Variants in CCSER1 observed in about 807,000 individuals in gnomAD.
The protein encoded by CCSER1 is coiled-coil serine rich protein 1.
CCSER1 carries 41 observed loss-of-function variants against 82.0 expected under a neutral mutation model. The ratio of observed to expected loss-of-function variants is 0.50; its 90% CI spans 0.39 to 0.65. The LOEUF (loss-of-function observed/expected upper bound fraction) is 0.65. CCSER1 is among the 30% of genes least tolerant of loss of function. The pLI is 0.00. For synonymous variants in CCSER1, 414 were observed against 383.9 expected (o/e 1.08, Z -0.92); for missense variants, 1,119 against 1,064.2 (o/e 1.05, Z -0.72).
chr4:91,203,853 C>T (rs893061922), intron 10 of CCSER1, among the ~76,000 whole-genome samples: 2 of 151,772 alleles, frequency 1.3e-5, no homozygotes, highest in African/African-American at 2.4e-5. Context: ...GTTGAATCTA[C>T]AGTTCATTAG....
intron 10 of CCSER1, among the ~76,000 whole-genome samples, chr4:91,135,924 T>G (rs1391680960): frequency 6.6e-6 from 1 of 152,208 alleles, no homozygotes; most frequent in Non-Finnish European, 1.5e-5. Flanking sequence ...GAATCATATA[T>G]GCAAATAATT....
intron 10 of CCSER1, among the ~76,000 whole-genome samples, chr4:91,346,257 C>T (rs577753573): frequency 1.8e-3 from 276 of 152,142 alleles, no homozygotes; most frequent in Middle Eastern, 3.4e-3. Flanking sequence ...CCTTGTGACC[C>T]GCCTACCTCA....
chr4:91,491,732 T>C (rs1204070098), intron 10 of CCSER1, among the ~76,000 whole-genome samples: 1 of 152,060 alleles, frequency 6.6e-6, no homozygotes, highest in Non-Finnish European at 1.5e-5. Flanking sequence ...CTGAAGAATA[T>C]TTTTTCCTAT....
chr4:91,184,560 T>C (rs2149036497), intron 10 of CCSER1, among the ~76,000 whole-genome samples: 1 of 152,346 alleles, frequency 6.6e-6, no homozygotes, highest in East Asian at 1.9e-4. Flanking sequence ...ATGTTGGAGC[T>C]ATGTGCCCAT....
rs114017637 is a variant in CCSER1 at position 91,034,832 on chromosome 4, C to A, written c.2173-51118C>A. The stretch of plus-strand genomic sequence containing the variant: ...TTGTGTCTTTTACATGGTAGGAAAT[C>A]AAAAAGTTTGTATTATATTGAACTA... On this transcript the variant is annotated intron_variant, in intron 9 of 10. Transcript: ENST00000509176. Among the ~76,000 whole-genome samples, 1,400 of 152,024 alleles carry A rather than the reference C, an allele frequency of 9.2e-3. 23 individuals carry two copies. The highest frequency in any genetic ancestry group is 0.031 in the African/African-American group (1,292 of 41,492).
intron 5 of CCSER1, among the ~76,000 whole-genome samples, chr4:90,489,790 C>T (rs990704921): frequency 1.1e-4 from 16 of 152,080 alleles, no homozygotes; most frequent in East Asian, 3.9e-4. Flanking sequence ...TTTGTCCTTG[C>T]GATAGTTTGC....
At chr4:90,936,698 G>GTAT (rs1730976415) in intron 9 of CCSER1, among the ~76,000 whole-genome samples, 2 of 152,028 alleles carry the variant, frequency 1.3e-5, no homozygotes, top group Non-Finnish European at 2.9e-5. Context: ...CAGAAAAACA[G>GTAT]AATTCCAGAT....
intron 5 of CCSER1, among the ~76,000 whole-genome samples, chr4:90,471,157 T>G (rs1764342612): frequency 6.6e-6 from 1 of 152,182 alleles, no homozygotes; most frequent in South Asian, 2.1e-4. Context: ...TTTTAAATGA[T>G]TTTTTACCTA....
At chr4:91,224,806 T>A (rs1738020245) in intron 10 of CCSER1, among the ~76,000 whole-genome samples, 1 of 151,990 alleles carries the variant, frequency 6.6e-6, no homozygotes, top group Non-Finnish European at 1.5e-5. Context: ...TCATTGTTAC[T>A]ATTTTTTTTA....
intron 10 of CCSER1, among the ~76,000 whole-genome samples, chr4:91,496,623 TATATTTGA>T (rs1758843592): frequency 3.9e-5 from 1 of 25,868 alleles, no homozygotes; most frequent in African/African-American, 1.0e-4. Flanking sequence ...TACACGAATA[TATATTTGA>T]ATATATATAT....
At chr4:90,282,533 G>A (rs1412321734) in intron 1 of CCSER1, among the ~76,000 whole-genome samples, 1 of 151,554 alleles carries the variant, frequency 6.6e-6, no homozygotes, top group Non-Finnish European at 1.5e-5. Flanking sequence ...TGTTGACACT[G>A]TTTCTAGAGC....
intron 10 of CCSER1, among the ~76,000 whole-genome samples, chr4:91,530,682 T>G (rs1298851699): frequency 9.7e-6 from 1 of 103,324 alleles, no homozygotes; most frequent in Non-Finnish European, 1.9e-5. Context: ...GTATTTTTCT[T>G]TCTTTTTTTT....
intron 10 of CCSER1, among the ~76,000 whole-genome samples, chr4:91,466,930 C>A (rs1324692404): frequency 6.6e-6 from 1 of 152,094 alleles, no homozygotes; most frequent in Non-Finnish European, 1.5e-5. Flanking sequence ...CCATACTGCC[C>A]AAGGTAATTT....
intron 10 of CCSER1, among the ~76,000 whole-genome samples, chr4:91,211,711 C>T (rs1003535675): frequency 6.6e-6 from 1 of 151,952 alleles, no homozygotes; most frequent in Non-Finnish European, 1.5e-5. Flanking sequence ...TCAATATCCT[C>T]ATATAAAATG....
chr4:91,163,174 T>G (rs1034639692), intron 10 of CCSER1, among the ~76,000 whole-genome samples: 2 of 152,258 alleles, frequency 1.3e-5, no homozygotes, highest in Non-Finnish European at 2.9e-5. Flanking sequence ...TATTTCTGCC[T>G]TCATTTATTA....
intron 10 of CCSER1, among the ~76,000 whole-genome samples, chr4:91,400,193 A>G (rs1188906158): frequency 6.6e-6 from 1 of 151,920 alleles, no homozygotes; most frequent in East Asian, 1.9e-4. Context: ...TATAGAACTT[A>G]CTTTCTTGCT....
intron 9 of CCSER1, among the ~76,000 whole-genome samples, chr4:91,079,768 C>T (rs1396342058): frequency 1.3e-5 from 2 of 152,100 alleles, no homozygotes; most frequent in African/African-American, 2.4e-5. Context: ...GGGTTGCCGT[C>T]CTAGTCTCTG....
At chr4:91,358,213 C>T (rs1748986738) in intron 10 of CCSER1, among the ~76,000 whole-genome samples, 1 of 151,800 alleles carries the variant, frequency 6.6e-6, no homozygotes, top group South Asian at 2.1e-4. Context: ...GAAAGGGGGT[C>T]TAAAACCAGC....
intron 10 of CCSER1, among the ~76,000 whole-genome samples, chr4:91,290,186 C>T (rs768662320): frequency 1.3e-4 from 20 of 151,830 alleles, no homozygotes; most frequent in Non-Finnish European, 2.8e-4. Context: ...TACTGAGAAA[C>T]GTATTGCCAG....
Sources: allele counts gnomAD v4.1 joint callset (sites outside exome capture counted in the v4.1 genomes callset), GRCh38; gene constraint gnomAD v4.1.1; transcripts MANE v1.5; gene names NCBI Gene and HGNC (gene_info 2026-07-23, HGNC 2026-07-21).